Variants in UGDH observed in about 807,000 individuals in gnomAD.
UGDH encodes UDP-Glc dehydrogenase.
Under a neutral mutation model 50.6 loss-of-function variants are expected in UGDH, and 38 were observed. The ratio of observed to expected loss-of-function variants is 0.75; its 90% CI spans 0.58 to 0.98. UGDH has a LOEUF of 0.98. UGDH is among the 50% of genes least tolerant of loss of function. UGDH has a pLI of 0.00. For synonymous variants in UGDH, 168 were observed against 199.9 expected (o/e 0.84, Z 1.35); for missense variants, 465 against 606.2 (o/e 0.77, Z 2.45).
chr4:39,521,609 G>C (rs1746665931), intron 1 of UGDH, 90 bp from the exon 2 acceptor site: 1 of 1,083,932 alleles, frequency 9.2e-7, no homozygotes, highest in East Asian at 3.1e-5. Flanking sequence ...TATAAAAACT[G>C]TCAAGGTGAC....
chr4:39,504,711 CA>C (rs1196136095), intron 9 of UGDH, among the ~76,000 whole-genome samples: 1 of 152,110 alleles, frequency 6.6e-6, no homozygotes, highest in East Asian at 1.9e-4. Flanking sequence ...GACTAAGTAG[CA>C]TATGGAATGT....
At chr4:39,518,347 GT>G (rs893045150) in intron 2 of UGDH, among the ~76,000 whole-genome samples, 12 of 151,050 alleles carry the variant, frequency 7.9e-5, no homozygotes, top group Non-Finnish European at 1.5e-4. Context: ...CAGACTAATA[GT>G]TTTTTTTTAT....
chr4:39,503,224 TTTG>T (rs1745895542), intron 11 of UGDH, among the ~76,000 whole-genome samples: 1 of 152,102 alleles, frequency 6.6e-6, no homozygotes, highest in African/African-American at 2.4e-5. Context: ...AATTTTTGTA[TTTG>T]TTAATAGACA....
chr4:39,500,079 A>T lies in UGDH; in HGVS notation c.*64T>A. ...GTTCATTTACCATTTAATAGCAGAT[A>T]GATATTTGCTATCCTGAAGTACCAA... On this transcript the variant is annotated 3_prime_UTR_variant, in exon 12 of 12. Coordinates refer to ENST00000316423, the MANE Select transcript of UGDH (RefSeq NM_003359.4). 1.1e-6 allele frequency: 1 copy of T among 935,638 alleles called. No homozygotes were observed. Among genetic ancestry groups the T allele is most frequent in the African/African-American group, 1.7e-5 (1 of 59,498 alleles). The allele number at this position is 935,638 out of a possible 1,614,324, so 58.0% of individuals were successfully genotyped here.
At chr4:39,508,531 G>T (rs772559402) in intron 7 of UGDH, 35 bp downstream of exon 7, 1 of 1,592,886 alleles carries the variant, frequency 6.3e-7, no homozygotes. Flanking sequence ...ACTATGCCTG[G>T]CTAAACAGAA....
chr4:39,522,664 C>T (rs549085871), intron 1 of UGDH, among the ~76,000 whole-genome samples: 3 of 152,096 alleles, frequency 2.0e-5, no homozygotes, highest in Admixed American at 1.3e-4. Context: ...ATGTAGGTAT[C>T]CTGGATTGTT....
At chr4:39,506,349 C>A (rs1048857801) in intron 7 of UGDH, among the ~76,000 whole-genome samples, 1 of 151,892 alleles carries the variant, frequency 6.6e-6, no homozygotes, top group Non-Finnish European at 1.5e-5. Context: ...TAATTCTAAG[C>A]GCATTTGAGG....
intron 6 of UGDH, among the ~76,000 whole-genome samples, chr4:39,509,210 G>A (rs1193814873): frequency 1.3e-5 from 2 of 151,310 alleles, no homozygotes; most frequent in Non-Finnish European, 2.9e-5. Flanking sequence ...AAACTCCTAG[G>A]CTCAAGCAAT....
intron 1 of UGDH, among the ~76,000 whole-genome samples, chr4:39,523,162 G>A (rs913062037): frequency 4.0e-5 from 6 of 151,628 alleles, no homozygotes; most frequent in Non-Finnish European, 8.8e-5. Flanking sequence ...TTTGATTCTC[G>A]TGCCTCAGCC....
chr4:39,515,038 G>A (rs10856844), intron 2 of UGDH, among the ~76,000 whole-genome samples: 50,609 of 151,804 alleles, frequency 0.33, 10,668 homozygotes, highest in Non-Finnish European at 0.45. Context: ...GTGCAGTTGC[G>A]TAACAGCTCA....
At position 39,503,995 on chromosome 4, in the gene UGDH, C is replaced by T. The variant is rs1560685821; in HGVS notation, c.1264-10G>A. ...GTTCATAATCCAATTCCTGTAAAGACAAACCACAGGAACAATTAAAACACA... is the reference window on the plus strand; with the variant it reads ...GTTCATAATCCAATTCCTGTAAAGATAAACCACAGGAACAATTAAAACACA... On this transcript the variant is annotated splice_polypyrimidine_tract_variant and intron_variant, in intron 10 of 11. Coordinates refer to ENST00000316423, the MANE Select transcript of UGDH (RefSeq NM_003359.4). 2 of 1,609,740 alleles carry T rather than the reference C, an allele frequency of 1.2e-6. No homozygotes were observed. The highest frequency in any genetic ancestry group is 2.7e-5 in the African/African-American group (2 of 74,826).
chr4:39,508,654 C>A lies in UGDH; in HGVS notation c.818G>T (p.Gly273Val). 1 of 1,594,732 alleles carries A rather than the reference C, an allele frequency of 6.3e-7. No homozygotes were observed. The highest frequency in any genetic ancestry group is 8.5e-7 in the Non-Finnish European group (1 of 1,175,338). ...NKFLKASVGF[G>V]GSCFQKDVLN... ...AACATCCTTTTGGAAACAGCTCCCA[C>A]CAAACCCTGCAGAAAGAAAAAAATG... The change falls in exon 7 of 12, where the codon GGT becomes GTT. Residue 273 changes from glycine to valine, a missense_variant. Transcript: ENST00000316423.
At chr4:39,502,627 G>C (rs972145041) in intron 11 of UGDH, among the ~76,000 whole-genome samples, 1 of 152,106 alleles carries the variant, frequency 6.6e-6, no homozygotes, top group African/African-American at 2.4e-5. Flanking sequence ...TGAGGAAATG[G>C]AAAATAGCTC....
At chr4:39,527,076 C>A (rs1746932793) in intron 1 of UGDH, 19 of 1,289,296 alleles carry the variant, frequency 1.5e-5, no homozygotes, top group Non-Finnish European at 1.8e-5. Flanking sequence ...GAAGCCCAGA[C>A]GACCACATCC....
rs1355472198 is a variant in UGDH, at chr4:39,498,931, T to C, written c.*1212A>G. On this transcript the variant is annotated 3_prime_UTR_variant, in exon 12 of 12. Transcript: ENST00000316423. ...GCAGAGCACAAGTATCAAAGGGACA[T>C]TGGATATATTTTAATAATGATCTAA... 6.6e-6 allele frequency: 1 copy of C among 152,086 alleles called. No homozygotes were observed. The highest frequency in any genetic ancestry group is 1.5e-5 in the Non-Finnish European group (1 of 68,018). 9.4% of individuals were successfully genotyped at this position (152,086 alleles called of 1,614,324 possible).
Position 39,500,228 on chromosome 4 carries a change from G to T in UGDH, c.1400C>A (p.Ser467Tyr), listed in dbSNP as rs1745744127. The T allele has an allele frequency of 1.3e-6, 2 of 1,595,850 alleles. No homozygotes were observed. Among genetic ancestry groups the T allele is most frequent in the African/African-American group, 2.7e-5 (2 of 74,502 alleles). ...FQIETIGKKV[S>Y]SKRIPYAPSG... ...AGGAGCATATGGAATTCTCTTTGAA[G>T]ACACCTTTTTGCCAATTGTTTCAAT... Residue 467 changes from serine (S) to tyrosine (Y), a missense_variant, in exon 12 of 12, where the codon TCT becomes TAT. Ser to Tyr is a moderately radical substitution (Grantham distance 144). Coordinates refer to ENST00000316423, the MANE Select transcript of UGDH (RefSeq NM_003359.4).
At chr4:39,507,435 G>A (rs1405111392) in intron 7 of UGDH, among the ~76,000 whole-genome samples, 1 of 152,124 alleles carries the variant, frequency 6.6e-6, no homozygotes, top group Non-Finnish European at 1.5e-5. Context: ...ATCTAGGCTG[G>A]AGTGCAGTGA....
At chr4:39,504,379 C>G (rs1745947649) in intron 10 of UGDH, 38 bp downstream of exon 10, 1 of 1,585,980 alleles carries the variant, frequency 6.3e-7, no homozygotes, top group Non-Finnish European at 8.7e-7. Flanking sequence ...AGTGGAACAC[C>G]TCTAGAATTT....
intron 2 of UGDH, 147 bp from the exon 3 acceptor site, chr4:39,514,331 T>G: frequency 1.5e-6 from 1 of 665,530 alleles, no homozygotes; most frequent in Non-Finnish European, 2.6e-6. Context: ...TGTAGACAAG[T>G]TAAGGATCAT....
Sources: allele counts gnomAD v4.1 joint callset (sites outside exome capture counted in the v4.1 genomes callset), GRCh38; gene constraint gnomAD v4.1.1; transcripts MANE v1.5; gene names NCBI Gene and HGNC (gene_info 2026-07-23, HGNC 2026-07-21).